The following PCSK2 variants were observed in gnomAD, a reference collection of about 807,000 sequenced individuals.
PCSK2 encodes the protein proprotein convertase subtilisin/kexin type 2, also known as neuroendocrine convertase 2.
PCSK2 carries 14 observed loss-of-function variants against 69.7 expected under a neutral mutation model. The observed-to-expected ratio is 0.20, with a 90% CI of 0.13 to 0.31. The LOEUF (loss-of-function observed/expected upper bound fraction) is 0.31, where lower values mean the gene tolerates loss of function less well. Ranked by LOEUF, PCSK2 falls within the 10% of genes least tolerant of loss-of-function variation. The pLI is 1.00. For missense variants in PCSK2, 544 were observed against 842.5 expected (o/e 0.65, Z 4.39); for synonymous variants, 307 against 320.7 (o/e 0.96, Z 0.46).
chr20:17,393,892 G>A (rs933095683), intron 5 of PCSK2, among the ~76,000 whole-genome samples: 7 of 152,174 alleles, frequency 4.6e-5, no homozygotes, highest in African/African-American at 1.7e-4. Context: ...AACATTTAAT[G>A]TAAAAAAAGT....
intron 5 of PCSK2, among the ~76,000 whole-genome samples, chr20:17,399,557 T>G (rs1490013729): frequency 1.3e-5 from 2 of 152,172 alleles, no homozygotes; most frequent in Non-Finnish European, 2.9e-5. Context: ...CTCTGTCAGA[T>G]AAGAAGAAGG....
intron 4 of PCSK2, among the ~76,000 whole-genome samples, chr20:17,361,003 C>A (rs1448127982): frequency 6.6e-6 from 1 of 152,182 alleles, no homozygotes; most frequent in Non-Finnish European, 1.5e-5. Context: ...ATGTAGTCAC[C>A]ACTAGCCATA....
At chr20:17,400,628 C>G (rs1000170440) in intron 5 of PCSK2, among the ~76,000 whole-genome samples, 1 of 151,980 alleles carries the variant, frequency 6.6e-6, no homozygotes, top group Non-Finnish European at 1.5e-5. Flanking sequence ...GTAATTAAAA[C>G]TAAGTCTTCC....
intron 2 of PCSK2, among the ~76,000 whole-genome samples, chr20:17,303,071 C>G (rs1413591548): frequency 6.6e-6 from 1 of 150,830 alleles, no homozygotes; most frequent in Non-Finnish European, 1.5e-5. Context: ...CATCTTTTCT[C>G]ATTTGAATTT....
At chr20:17,449,435 A>G (rs2032763752) in intron 8 of PCSK2, among the ~76,000 whole-genome samples, 1 of 151,482 alleles carries the variant, frequency 6.6e-6, no homozygotes, top group Non-Finnish European at 1.5e-5. Flanking sequence ...AAGTGTGGCA[A>G]TATTTGCCTG....
At chr20:17,368,870 A>G (rs1290426672) in intron 4 of PCSK2, among the ~76,000 whole-genome samples, 4 of 152,222 alleles carry the variant, frequency 2.6e-5, no homozygotes, top group South Asian at 2.1e-4. Context: ...ATTGCTGTCC[A>G]TGCCCTGTTA....
chr20:17,240,707 G>A (rs13041471), intron 1 of PCSK2, among the ~76,000 whole-genome samples: 48,882 of 152,104 alleles, frequency 0.32, 8,572 homozygotes, highest in Middle Eastern at 0.47. Context: ...CATTACCTAG[G>A]TGTCACTCTA....
chr20:17,245,333 C>A (rs539934267), intron 1 of PCSK2, among the ~76,000 whole-genome samples: 2 of 152,282 alleles, frequency 1.3e-5, no homozygotes, highest in East Asian at 3.9e-4. Flanking sequence ...AATAGGGTAC[C>A]AATAAGGTTT....
chr20:17,439,164 C>T (rs1343986645), intron 8 of PCSK2, among the ~76,000 whole-genome samples: 2 of 151,704 alleles, frequency 1.3e-5, no homozygotes, highest in Non-Finnish European at 2.9e-5. Flanking sequence ...GAGATAGGGT[C>T]TCACTGCATC....
At position 17,481,830 on chromosome 20, in the gene PCSK2, G is replaced by A. The variant is rs11907317; in HGVS notation, c.1677G>A (p.Thr559=). The A allele has an allele frequency of 8.1e-4, 1,302 of 1,614,138 alleles. 7 individuals carry two copies. The African/African-American group carries it at 0.014, about 17-fold the overall frequency. The stretch of plus-strand genomic sequence containing the variant: ...AGTGGCCTTTCATGACCACTCACAC[G>A]TGGGGGGAAGACGCCCGAGGCACCT... ...FDKWPFMTTH[T]WGEDARGTWT... The change falls in exon 12 of 12, where the codon ACG becomes ACA. Residue 559 remains threonine, a synonymous_variant. Transcript: ENST00000262545.
chr20:17,350,976 G>T (rs111925767), intron 2 of PCSK2, among the ~76,000 whole-genome samples: 26,122 of 150,914 alleles, frequency 0.17, 2,609 homozygotes, highest in Non-Finnish European at 0.23. Flanking sequence ...GGAGTCGGAG[G>T]TTGCAGTAAG....
chr20:17,263,151 C>T (rs1452941101), intron 2 of PCSK2: 2 of 984,974 alleles, frequency 2.0e-6, no homozygotes, highest in South Asian at 4.7e-5. Flanking sequence ...AAGGTAGAAA[C>T]CCAAGGTACT....
chr20:17,403,534 A>G (rs1324715992), intron 5 of PCSK2, among the ~76,000 whole-genome samples: 1 of 152,194 alleles, frequency 6.6e-6, no homozygotes, highest in Non-Finnish European at 1.5e-5. Flanking sequence ...GTTCTGGGGC[A>G]ATATGGTTGC....
chr20:17,290,655 G>A (rs754179554), intron 2 of PCSK2, among the ~76,000 whole-genome samples: 38 of 152,124 alleles, frequency 2.5e-4, no homozygotes, highest in Non-Finnish European at 4.7e-4. Context: ...GTGCTATATC[G>A]CTTCCTTTTA....
chr20:17,289,736 T>C (rs17776172), intron 2 of PCSK2, among the ~76,000 whole-genome samples: 24,067 of 152,178 alleles, frequency 0.16, 2,316 homozygotes, highest in Non-Finnish European at 0.22. Flanking sequence ...TGACTTTCTA[T>C]TGTAAAATCA....
At chr20:17,381,430 A>G (rs1318389372) in intron 5 of PCSK2, among the ~76,000 whole-genome samples, 1 of 152,226 alleles carries the variant, frequency 6.6e-6, no homozygotes, top group East Asian at 1.9e-4. Flanking sequence ...ATTATGTTTT[A>G]TAACTCAAGC....
chr20:17,229,659 C>T (rs140350914), intron 1 of PCSK2, among the ~76,000 whole-genome samples: 282 of 152,074 alleles, frequency 1.9e-3, no homozygotes, highest in African/African-American at 6.5e-3. Context: ...TCTCCATAAC[C>T]TCTCAGGTAG....
chr20:17,297,677 C>T (rs1988942142), intron 2 of PCSK2, among the ~76,000 whole-genome samples: 1 of 152,138 alleles, frequency 6.6e-6, no homozygotes, highest in South Asian at 2.1e-4. Flanking sequence ...TCAGGGTTAT[C>T]CTCTTCGTGA....
chr20:17,262,663 G>T (rs1371638290), intron 2 of PCSK2, among the ~76,000 whole-genome samples: 1 of 152,132 alleles, frequency 6.6e-6, no homozygotes, highest in African/African-American at 2.4e-5. Context: ...TGCCTTGTGG[G>T]TTTATAGCTG....
Sources: gnomAD v4.1 joint callset for allele counts (sites outside exome capture counted in the v4.1 genomes callset) on GRCh38, gnomAD v4.1.1 for gene constraint, MANE v1.5 for transcripts, NCBI Gene and HGNC (gene_info 2026-07-23, HGNC 2026-07-21) for gene names.